Variants in HSPA4L observed in about 807,000 individuals in gnomAD.
HSPA4L encodes heat shock protein family A (Hsp70) member 4 like, also known as heat shock 70 kDa protein 4L.
Under a neutral mutation model 100.3 loss-of-function variants are expected in HSPA4L, and 48 were observed. The ratio of observed to expected loss-of-function variants is 0.48; its 90% CI spans 0.38 to 0.61. The LOEUF (loss-of-function observed/expected upper bound fraction) is 0.61, where lower values mean the gene tolerates loss of function less well. Ranked by LOEUF, HSPA4L falls within the 20% of genes least tolerant of loss-of-function variation. HSPA4L has a pLI of 0.00. For synonymous variants in HSPA4L, 319 were observed against 328.2 expected, an observed-to-expected ratio of 0.97 and a Z score of 0.30; for missense variants, 886 against 988.6, an observed-to-expected ratio of 0.90 and a Z score of 1.39.
At chr4:127,789,240 C>T (rs1732802599) in intron 1 of HSPA4L, among the ~76,000 whole-genome samples, 1 of 152,200 alleles carries the variant, frequency 6.6e-6, no homozygotes, top group Non-Finnish European at 1.5e-5. Flanking sequence ...CTAAAAGGAA[C>T]ATAGGACATT....
intron 16 of HSPA4L, among the ~76,000 whole-genome samples, chr4:127,825,941 A>G (rs1052603743): frequency 2.0e-5 from 3 of 151,862 alleles, no homozygotes; most frequent in South Asian, 2.1e-4. Flanking sequence ...AAAAAAAAAA[A>G]AAAGAAAAAA....
chr4:127,836,888 G>T lies in HSPA4L; in HGVS notation c.*4014G>T, dbSNP rs1207341956. The T allele has an allele frequency of 1.3e-5, 2 of 151,996 alleles. No individual in the cohort carries two copies. The highest frequency in any genetic ancestry group is 4.8e-5 in the African/African-American group (2 of 41,378). The allele number at this position is 151,996 out of a possible 1,614,324, so 9.4% of individuals were successfully genotyped here. A position where few individuals can be genotyped will look rare whatever the true frequency, so the allele number is the denominator to read the frequency against. ...TTTTACAAATTATAGATTTAGAAAT[G>T]ATTCTTAAGTTATTGGTAAAATATA... is the stretch of plus-strand genomic sequence containing the variant. On this transcript the variant is annotated 3_prime_UTR_variant, in exon 19 of 19. Transcript: ENST00000296464.
chr4:127,794,593 C>T (rs1167310161), intron 2 of HSPA4L, among the ~76,000 whole-genome samples: 1 of 152,036 alleles, frequency 6.6e-6, no homozygotes, highest in African/African-American at 2.4e-5. Context: ...CTTTTGAAAT[C>T]TTTATGATTA....
chr4:127,832,957 G>A lies in HSPA4L; in HGVS notation c.*83G>A, dbSNP rs1194369871. On this transcript the variant is annotated 3_prime_UTR_variant, in exon 19 of 19. Transcript: ENST00000296464. ...TTTACATCTGGTACACACAACAGACGCTCAGTTGTTCTTAACCACTTTTGT... is the reference window on the plus strand; with the variant it reads ...TTTACATCTGGTACACACAACAGACACTCAGTTGTTCTTAACCACTTTTGT... The A allele has an allele frequency of 1.7e-5, 17 of 993,550 alleles. No individual in the cohort carries two copies. The East Asian group carries it at 3.7e-4, about 22-fold the overall frequency. The allele number at this position is 993,550 out of a possible 1,614,324, so 61.5% of individuals were successfully genotyped here.
chr4:127,824,812 C>T (rs1426350683), intron 16 of HSPA4L, among the ~76,000 whole-genome samples: 1 of 152,118 alleles, frequency 6.6e-6, no homozygotes, highest in Non-Finnish European at 1.5e-5. Context: ...TACTTGCTAC[C>T]AAATCTGGAA....
chr4:127,820,245 A>G (rs1265219672), intron 13 of HSPA4L, among the ~76,000 whole-genome samples, 183 bp from the exon 14 acceptor site: 1 of 152,128 alleles, frequency 6.6e-6, no homozygotes, highest in Non-Finnish European at 1.5e-5. Context: ...TTTCCAACCC[A>G]ATATTTTTAA....
chr4:127,801,703 A>G (rs1382893196), intron 5 of HSPA4L, 82 bp from the exon 6 acceptor site: 12 of 1,129,184 alleles, frequency 1.1e-5, no homozygotes, highest in Admixed American at 9.9e-5. Flanking sequence ...ACTGCATATT[A>G]AAGTACAGTA....
rs1287708390 is a variant in HSPA4L at position 127,838,356 on chromosome 4, A to G, written c.*5482A>G. On this transcript the variant is annotated 3_prime_UTR_variant, in exon 19 of 19. Coordinates refer to ENST00000296464, the MANE Select transcript of HSPA4L (RefSeq NM_014278.4). Reference sequence around the variant, plus strand: ...CCTTATCCCTAAAGATACTTCCAACATATTGTTAGAGTAAGTATTAAAAGA... The same window carrying G: ...CCTTATCCCTAAAGATACTTCCAACGTATTGTTAGAGTAAGTATTAAAAGA... The G allele has an allele frequency of 6.6e-6, 1 of 152,218 alleles. No individual in the cohort carries two copies. 9.4% of individuals were successfully genotyped at this position (152,218 alleles called of 1,614,324 possible).
chr4:127,827,403 G>T lies in HSPA4L; in HGVS notation c.2145G>T (p.Val715=). The change falls in exon 17 of 19, where the codon GTG becomes GTT. Residue 715 remains valine, a synonymous_variant. Coordinates refer to ENST00000296464, the MANE Select transcript of HSPA4L (RefSeq NM_014278.4). ...LGKKIQLVMK[V]IEAYRNKDER... Reference sequence around the variant, plus strand: ...AAAAGATCCAACTTGTCATGAAAGTGATAGAAGCTTATAGAAACAAGGTAT... The same window carrying T: ...AAAAGATCCAACTTGTCATGAAAGTTATAGAAGCTTATAGAAACAAGGTAT... 6.2e-7 allele frequency: 1 copy of T among 1,613,732 alleles called. No individual in the cohort carries two copies. Among genetic ancestry groups the T allele is most frequent in the South Asian group, 1.1e-5 (1 of 91,060 alleles).
chr4:127,809,411 C>A, intron 11 of HSPA4L: 1 of 1,247,214 alleles, frequency 8.0e-7, no homozygotes, highest in Non-Finnish European at 1.2e-6. Context: ...TTGGATACTT[C>A]ATAACTCAAG....
At chr4:127,792,667 C>T (rs1560652033) in intron 1 of HSPA4L, among the ~76,000 whole-genome samples, 5 of 152,168 alleles carry the variant, frequency 3.3e-5, no homozygotes, top group South Asian at 2.1e-4. Context: ...ATAGAGTTCA[C>T]GTTCTGGCTT....
At chr4:127,788,872 A>G (rs925887730) in intron 1 of HSPA4L, among the ~76,000 whole-genome samples, 1 of 152,248 alleles carries the variant, frequency 6.6e-6, no homozygotes, top group African/African-American at 2.4e-5. Flanking sequence ...CTTGGCAAGC[A>G]TAGTTGAAAC....
chr4:127,786,695 G>A (rs1732728358), intron 1 of HSPA4L, among the ~76,000 whole-genome samples: 1 of 152,156 alleles, frequency 6.6e-6, no homozygotes, highest in Non-Finnish European at 1.5e-5. Flanking sequence ...TCGAACTCCT[G>A]GCCTCAAGCC....
chr4:127,800,986 A>G, intron 4 of HSPA4L, 152 bp from the exon 5 acceptor site: 1 of 543,560 alleles, frequency 1.8e-6, no homozygotes, highest in Non-Finnish European at 3.1e-6. Context: ...GAAATTGTCA[A>G]ACTTAAAAAA....
chr4:127,821,477 T>C (rs1369286406), intron 14 of HSPA4L, among the ~76,000 whole-genome samples: 2 of 152,186 alleles, frequency 1.3e-5, no homozygotes, highest in Non-Finnish European at 1.5e-5. Flanking sequence ...TCAAGTATTA[T>C]AATCTTCAGG....
chr4:127,827,273 T>C (rs1304875184), intron 16 of HSPA4L, 32 bp from the exon 17 acceptor site: 1 of 1,589,082 alleles, frequency 6.3e-7, no homozygotes, highest in Non-Finnish European at 8.5e-7. Flanking sequence ...ACTCAAAAAT[T>C]TTTCTTCTTT....
intron 10 of HSPA4L, 102 bp downstream of exon 10, chr4:127,805,895 C>A: frequency 1.5e-6 from 1 of 657,776 alleles, no homozygotes; most frequent in Non-Finnish European, 2.5e-6. Context: ...AAAATTCTGC[C>A]AAATACTTTA....
intron 1 of HSPA4L, among the ~76,000 whole-genome samples, chr4:127,788,501 C>G (rs1229963079): frequency 6.6e-6 from 1 of 152,024 alleles, no homozygotes; most frequent in Non-Finnish European, 1.5e-5. Context: ...TTTGTAGATC[C>G]CTTAATTTGT....
At chr4:127,802,008 C>A (rs777874831) in intron 6 of HSPA4L, 90 bp downstream of exon 6, 1 of 998,730 alleles carries the variant, frequency 1.0e-6, no homozygotes, top group Non-Finnish European at 1.4e-6. Flanking sequence ...TGGCTCTGCC[C>A]CTTAAACTAT....
Sources: gnomAD v4.1 joint callset for allele counts (sites outside exome capture counted in the v4.1 genomes callset) on GRCh38, gnomAD v4.1.1 for gene constraint, MANE v1.5 for transcripts, NCBI Gene and HGNC (gene_info 2026-07-23, HGNC 2026-07-21) for gene names.